Variants in ZFYVE26 observed in about 807,000 individuals in gnomAD.
ZFYVE26 encodes the protein zinc finger FYVE domain-containing protein 26.
Under a neutral mutation model 276.5 loss-of-function variants are expected in ZFYVE26, and 181 were observed. That is an observed-to-expected ratio of 0.65 (90% CI 0.58 to 0.74). The LOEUF is 0.74. ZFYVE26 is among the 30% of genes least tolerant of loss of function. ZFYVE26 has a pLI of 0.00. For missense variants in ZFYVE26, 2,821 were observed against 3,097.9 expected (o/e 0.91, Z 2.12); for synonymous variants, 1,129 against 1,203.1 (o/e 0.94, Z 1.27).
Position 67,802,291 on chromosome 14 carries a change from CAA to C in ZFYVE26, c.1436-11_1436-10del. The C allele has an allele frequency of 6.2e-7, 1 of 1,613,934 alleles. No homozygotes were observed. Among genetic ancestry groups the C allele is most frequent in the Non-Finnish European group, 8.5e-7 (1 of 1,179,890 alleles). ...TGGAGCATCAACTGCATCTGAATTA[CAA>C]AGAGAAACAGGCTGAACTTGAGAGT... On this transcript the variant is annotated splice_polypyrimidine_tract_variant and intron_variant, in intron 9 of 41. Coordinates refer to ENST00000347230, the MANE Select transcript of ZFYVE26 (RefSeq NM_015346.4).
Position 67,798,454 on chromosome 14 carries a change from T to C in ZFYVE26, c.1808A>G (p.Asp603Gly). Residue 603 changes from aspartate (D) to glycine (G), a missense_variant, in exon 11 of 42, where the codon GAT (aspartate) becomes GGT (glycine). Physicochemically the swap from Asp to Gly is moderately conservative, Grantham distance 94 (BLOSUM62 -1). Coordinates refer to ENST00000347230, the MANE Select transcript of ZFYVE26 (RefSeq NM_015346.4). Reference sequence around the variant, plus strand: ...TGAGGGGCTCTTCCCCTCAATGTCATCATCCTCAGCATAGTCCTCAGGCAA... The same window carrying C: ...TGAGGGGCTCTTCCCCTCAATGTCACCATCCTCAGCATAGTCCTCAGGCAA... ...PHLPEDYAEDDDIEGKSPSGL... is the reference protein window; with the variant it reads ...PHLPEDYAEDGDIEGKSPSGL... The C allele has an allele frequency of 6.2e-7, 1 of 1,614,160 alleles. No homozygotes were observed. Among genetic ancestry groups the C allele is most frequent in the Non-Finnish European group, 8.5e-7 (1 of 1,180,028 alleles).
chr14:67,767,537 C>A (rs1210392746), intron 31 of ZFYVE26, among the ~76,000 whole-genome samples, 167 bp downstream of exon 31: 1 of 152,034 alleles, frequency 6.6e-6, no homozygotes, highest in Non-Finnish European at 1.5e-5. Flanking sequence ...CTGCAATTCC[C>A]AAGATGTTCA....
intron 3 of ZFYVE26, among the ~76,000 whole-genome samples, chr14:67,811,092 G>A (rs774216186): frequency 6.6e-6 from 1 of 152,184 alleles, no homozygotes; most frequent in African/African-American, 2.4e-5. Context: ...CCTGTGATTG[G>A]AAGCTGGTGG....
At chr14:67,789,264 C>T (rs2039744244) in intron 16 of ZFYVE26, 71 bp downstream of exon 16, 1 of 1,604,892 alleles carries the variant, frequency 6.2e-7, no homozygotes, top group Admixed American at 1.7e-5. Flanking sequence ...TCTTCCTGGA[C>T]AATTTATCAA....
intron 35 of ZFYVE26, among the ~76,000 whole-genome samples, chr14:67,759,384 T>C (rs1402839012): frequency 2.0e-5 from 3 of 151,716 alleles, no homozygotes; most frequent in South Asian, 4.2e-4. Flanking sequence ...CCCAGCACTT[T>C]GGAAGCCCAG....
Position 67,748,329 on chromosome 14 carries a change from C to T in ZFYVE26, c.*107G>A, listed in dbSNP as rs2038539906. ...CAATCCAACTCTTTCCAACCTAGGGCAGAGCCAGAGAAGTCCCACTCCACT... is the reference window on the plus strand; with the variant it reads ...CAATCCAACTCTTTCCAACCTAGGGTAGAGCCAGAGAAGTCCCACTCCACT... On this transcript the variant is annotated 3_prime_UTR_variant, in exon 42 of 42. Transcript: ENST00000347230. The T allele has an allele frequency of 1.8e-5, 23 of 1,292,530 alleles. No individual in the cohort carries two copies. The East Asian group carries it at 5.7e-4, about 32-fold the overall frequency. The allele number at this position is 1,292,530 out of a possible 1,614,324, so 80.1% of individuals were successfully genotyped here.
At chr14:67,730,006 T>C (rs980624505) in intron 13 of ZFYVE26, among the ~76,000 whole-genome samples, 5 of 152,208 alleles carry the variant, frequency 3.3e-5, no homozygotes, top group African/African-American at 1.2e-4. Context: ...ATTTATTCCG[T>C]GAAGCACTGG....
chr14:67,783,192 G>A lies in ZFYVE26; in HGVS notation c.3960C>T (p.Cys1320=), dbSNP rs1483134756. The A allele has an allele frequency of 1.2e-6, 2 of 1,611,960 alleles. No individual in the cohort carries two copies. Among genetic ancestry groups the A allele is most frequent in the African/African-American group, 2.7e-5 (2 of 74,880 alleles). ...SRSKLLATVA[C]LGASPRLKVS... is the part of the protein sequence containing the mutation. ...CCTTTAACCTCGGGGAAGCCCCCAG[G>A]CAGGCCACCGTAGCTAGGAGCTTTG... The change falls in exon 21 of 42, where the codon TGC becomes TGT. Residue 1320 remains cysteine (C), a synonymous_variant. Coordinates refer to ENST00000347230, the MANE Select transcript of ZFYVE26 (RefSeq NM_015346.4).
chr14:67,741,910 CA>C (rs1325349531), downstream of ZFYVE26, among the ~76,000 whole-genome samples: 1 of 152,232 alleles, frequency 6.6e-6, no homozygotes, highest in African/African-American at 2.4e-5. Context: ...TAACTTTTAA[CA>C]TCCTACTCTA....
At chr14:67,798,866 G>T (rs1026936009) in intron 10 of ZFYVE26, 1 of 859,662 alleles carries the variant, frequency 1.2e-6, no homozygotes, top group African/African-American at 1.7e-5. Context: ...GAGGCCAACC[G>T]GGCCTCCCCA....
chr14:67,767,559 C>T, intron 31 of ZFYVE26, 145 bp downstream of exon 31: 1 of 1,105,808 alleles, frequency 9.0e-7, no homozygotes, highest in Non-Finnish European at 1.3e-6. Flanking sequence ...TATTTTCTGC[C>T]TTAATGGATT....
chr14:67,775,058 G>C lies in ZFYVE26; in HGVS notation c.5278C>G (p.Pro1760Ala). 6.2e-7 allele frequency: 1 copy of C among 1,613,222 alleles called. No individual in the cohort carries two copies. The highest frequency in any genetic ancestry group is 8.5e-7 in the Non-Finnish European group (1 of 1,179,758). The change falls in exon 27 of 42, where the codon CCT (proline) becomes GCT (alanine). Residue 1760 changes from proline (P) to alanine (A), a missense_variant. Physicochemically the swap from Pro to Ala is conservative, Grantham distance 27 (BLOSUM62 -1). Coordinates refer to ENST00000347230, the MANE Select transcript of ZFYVE26 (RefSeq NM_015346.4). ...VHQAADPETL[P>A]RSPSAEFSPA... ...GAGAACTCTGCTGATGGTGATCTAG[G>C]GAGGGTCTCGGGATCTGCAGCCTGG...
Position 67,798,898 on chromosome 14 carries a change from GC to G in ZFYVE26, c.1640-277del, listed in dbSNP as rs1168983300. 6.4e-6 allele frequency: 6 copies of G among 932,764 alleles called. No homozygotes were observed. In the East Asian group the frequency reaches 1.0e-4, roughly 16 times the overall value. The allele number at this position is 932,764 out of a possible 1,614,324, so 57.8% of individuals were successfully genotyped here. A position where few individuals can be genotyped will look rare whatever the true frequency, so the allele number is the denominator to read the frequency against. On this transcript the variant is annotated intron_variant, in intron 10 of 41. Transcript: ENST00000347230. The stretch of plus-strand genomic sequence containing the variant: ...CCCAGCCTTTTGGCCACCAGGCCCC[GC>G]CCCCGGGGAGGGCGCTGAGCTCCGC...
rs138869862 is a variant in ZFYVE26, at chr14:67,758,030, T to C, written c.6589-1885A>G. Among the ~76,000 whole-genome samples the C allele has an allele frequency of 3.5e-4, 54 of 152,310 alleles. 1 individual carries two copies. The East Asian group carries it at 0.01, about 28-fold the overall frequency. On this transcript the variant is annotated intron_variant, in intron 35 of 41. Coordinates refer to ENST00000347230, the MANE Select transcript of ZFYVE26 (RefSeq NM_015346.4). ...CTGCCCAGCCTTTTGTCTGTTTTTT[T>C]ACTACTGTATCCTTAGTGCCCAGAA...
chr14:67,752,891 GGTGACTTAGT>G (rs1297033730), intron 39 of ZFYVE26, among the ~76,000 whole-genome samples: 1 of 152,162 alleles, frequency 6.6e-6, no homozygotes, highest in East Asian at 1.9e-4. Flanking sequence ...TTAAGACGCA[GGTGACTTAGT>G]GTTCAGAAAC....
chr14:67,733,811 A>T (rs776603341), intron 13 of ZFYVE26: 20 of 1,612,992 alleles, frequency 1.2e-5, no homozygotes, highest in Non-Finnish European at 8.5e-6. Flanking sequence ...CGCCTATGGA[A>T]TGTCAGCTGT....
In ZFYVE26 at chr14:67,783,274, C is replaced by T. The variant is rs748332575; in HGVS notation, c.3878G>A (p.Arg1293Lys). Residue 1293 changes from arginine to lysine, a missense_variant, in exon 21 of 42, where the codon AGG becomes AAG. Coordinates refer to ENST00000347230, the MANE Select transcript of ZFYVE26 (RefSeq NM_015346.4). ...GGTGAGGGCTGGGAGTGATGAGTCC[C>T]TTGGGGAGGAGTAGGGCTTTCTTTC... ...TLERKPYSSP[R>K]DSSLPALTSS... 1.2e-6 allele frequency: 2 copies of T among 1,613,780 alleles called. No homozygotes were observed. Among genetic ancestry groups the T allele is most frequent in the South Asian group, 2.2e-5 (2 of 91,078 alleles).
rs2140201218 is a variant in ZFYVE26, at chr14:67,767,724, T to C, written c.5770A>G (p.Ser1924Gly). The change falls in exon 31 of 42, where the codon AGT (serine) becomes GGT (glycine). Residue 1924 changes from serine to glycine, a missense_variant. Ser to Gly is a moderately conservative substitution (Grantham distance 56, BLOSUM62 0). Coordinates refer to ENST00000347230, the MANE Select transcript of ZFYVE26 (RefSeq NM_015346.4). ...LKEEENELVR[S>G]EFYYEQAPSA... is the part of the protein sequence containing the mutation. ...ATTACCTGCTCATAGTAAAATTCAC[T>C]CCGCACCAGCTCATTTTCCTCCTCT... 6.2e-7 allele frequency: 1 copy of C among 1,614,180 alleles called. No homozygotes were observed. Among genetic ancestry groups the C allele is most frequent in the South Asian group, 1.1e-5 (1 of 91,088 alleles).
At chr14:67,773,551 G>GCACACACA (rs200418943) in intron 27 of ZFYVE26, among the ~76,000 whole-genome samples, 89 of 125,800 alleles carry the variant, frequency 7.1e-4, no homozygotes, top group South Asian at 1.7e-3. Context: ...AAAAAAAAAG[G>GCACACACA]CGCACACACA....
Sources: gnomAD v4.1 joint callset for allele counts (sites outside exome capture counted in the v4.1 genomes callset) on GRCh38, gnomAD v4.1.1 for gene constraint, MANE v1.5 for transcripts, NCBI Gene and HGNC (gene_info 2026-07-23, HGNC 2026-07-21) for gene names.